Variants in EMG1 observed in about 807,000 individuals in gnomAD.
EMG1 encodes the protein ribosomal RNA small subunit methyltransferase NEP1.
A neutral mutation model predicts 26.9 loss-of-function variants in EMG1; 24 were observed. The observed-to-expected ratio is 0.89, with a 90% CI of 0.65 to 1.26. The LOEUF is 1.26. Among genes scored for constraint, EMG1 ranks in the 50% most tolerant of loss-of-function variants. The pLI is 0.00. For missense variants in EMG1, 299 were observed against 307.6 expected (o/e 0.97, Z 0.21); for synonymous variants, 140 against 112.6 (o/e 1.24, Z -1.54).
At chr12:6,989,109 C>CG (rs1555155150), downstream of EMG1, among the ~76,000 whole-genome samples, 1 of 149,934 alleles carries the variant, frequency 6.7e-6, no homozygotes, top group African/African-American at 2.5e-5. Flanking sequence ...GCAACAAGAG[C>CG]GAAACTCCAT....
At chr12:6,982,429 C>T (rs1946479510), downstream of EMG1, among the ~76,000 whole-genome samples, 1 of 152,134 alleles carries the variant, frequency 6.6e-6, no homozygotes, top group Non-Finnish European at 1.5e-5. Flanking sequence ...ACCAAAGAGC[C>T]TAATGGCACA....
rs1555154902 is a variant in EMG1, at chr12:6,987,061, T to G, written c.*155-721T>G. ...CCAGGAGGCGGAGGTGGCAGTGAGC[T>G]GAGATCACGCCATTGCACTCCAGCT... On this transcript the variant is annotated intron_variant and NMD_transcript_variant, in intron 6 of 7. Transcript: ENST00000261406. The surrounding 1 kb of genome is among the most constrained non-coding windows in gnomAD (Gnocchi z 4.1). Among the ~76,000 whole-genome samples, 1 of 151,380 alleles carries G rather than the reference T, an allele frequency of 6.6e-6. No individual in the cohort carries two copies. Among genetic ancestry groups the G allele is most frequent in the Non-Finnish European group, 1.5e-5 (1 of 67,908 alleles).
chr12:6,981,243 T>C, downstream of EMG1: 1 of 1,390,496 alleles, frequency 7.2e-7, no homozygotes, highest in South Asian at 1.3e-5. Context: ...AAGAGCCACT[T>C]TGAGTGTTCC....
intron 1 of EMG1, among the ~76,000 whole-genome samples, chr12:6,972,892 G>A (rs2138318265): frequency 6.6e-6 from 1 of 151,988 alleles, no homozygotes; most frequent in Non-Finnish European, 1.5e-5. Context: ...GGGCAACAGA[G>A]TGCAGTGGTG....
Position 6,975,802 on chromosome 12 carries a change from T to C in EMG1, c.728T>C (p.Val243Ala). The C allele has an allele frequency of 1.3e-6, 2 of 1,594,808 alleles. No homozygotes were observed. The highest frequency in any genetic ancestry group is 1.7e-6 in the Non-Finnish European group (2 of 1,162,662). Residue 243 changes from valine to alanine, a missense_variant, in exon 6 of 6, where the codon GTC (valine) becomes GCC (alanine). Physicochemically the swap from Val to Ala is moderately conservative, Grantham distance 64 (BLOSUM62 0). Transcript: ENST00000599672. The part of the protein sequence containing the change: ...LTTAFEEVWG[V>A]I ...ACAGCCTTTGAGGAAGTATGGGGGGTCATTTGACAGTAGTAGAACCTGTTC... is the reference window on the plus strand; with the variant it reads ...ACAGCCTTTGAGGAAGTATGGGGGGCCATTTGACAGTAGTAGAACCTGTTC...
chr12:6,973,171 C>T (rs1946353100), intron 1 of EMG1, among the ~76,000 whole-genome samples: 1 of 151,788 alleles, frequency 6.6e-6, no homozygotes, highest in African/African-American at 2.4e-5. Context: ...TACCTTTGCT[C>T]ATGCCAGTCT....
At chr12:6,986,611 C>T (rs1035281162) in intron 6 of EMG1, among the ~76,000 whole-genome samples, 6 of 151,602 alleles carry the variant, frequency 4.0e-5, no homozygotes, top group Admixed American at 6.6e-5. Context: ...GGTGAAATTC[C>T]GTCTCTACTA....
At chr12:6,996,552 A>C (rs1555156044) in intron 7 of EMG1, among the ~76,000 whole-genome samples, 1 of 152,248 alleles carries the variant, frequency 6.6e-6, no homozygotes, top group Non-Finnish European at 1.5e-5. Context: ...CCTGGTACAC[A>C]AAATTTCTCA....
chr12:6,983,291 T>A, downstream of EMG1: 1 of 657,494 alleles, frequency 1.5e-6, no homozygotes, highest in South Asian at 1.9e-5. Context: ...TTAAGCTGTG[T>A]TCCTCTTCAT....
intron 7 of EMG1, among the ~76,000 whole-genome samples, chr12:6,994,892 T>G (rs76625682): frequency 1.8e-3 from 272 of 152,330 alleles, no homozygotes; most frequent in Middle Eastern, 6.8e-3. Context: ...GGATCCAGTC[T>G]TGGCCCTCCA....
chr12:6,982,762 G>A (rs781941746), downstream of EMG1: 2 of 1,613,534 alleles, frequency 1.2e-6, no homozygotes, highest in African/African-American at 2.7e-5. Context: ...ATACACAGCA[G>A]GGAGTGGTAG....
downstream of EMG1, chr12:6,981,718 T>TTG: frequency 3.5e-6 from 1 of 285,262 alleles, no homozygotes; most frequent in Non-Finnish European, 6.4e-6. Flanking sequence ...CAGAAGTGTA[T>TTG]GGCGGGGGGC....
At chr12:6,971,320 C>T (rs1280458621) in intron 1 of EMG1, among the ~76,000 whole-genome samples, 14 of 148,006 alleles carry the variant, frequency 9.5e-5, no homozygotes, top group Non-Finnish European at 1.6e-4. Context: ...GTCGCCCAGG[C>T]TGGAGTGCAG....
At chr12:6,981,514 T>A, downstream of EMG1, 1 of 1,388,656 alleles carries the variant, frequency 7.2e-7, no homozygotes, top group African/African-American at 1.4e-5. Context: ...GCTCTGGAAT[T>A]TGGGTTCAGT....
At position 6,975,800 on chromosome 12, in the gene EMG1, G is replaced by A. The variant is rs1946391525; in HGVS notation, c.726G>A (p.Gly242=). The part of the protein sequence containing the change: ...KLTTAFEEVW[G]VI ...CCACAGCCTTTGAGGAAGTATGGGG[G>A]GTCATTTGACAGTAGTAGAACCTGT... The change falls in exon 6 of 6, where the codon GGG becomes GGA. Residue 242 remains glycine, a synonymous_variant. Transcript: ENST00000599672. 3 of 1,601,456 alleles carry A rather than the reference G, an allele frequency of 1.9e-6. No homozygotes were observed. The East Asian group carries it at 6.7e-5, about 36-fold the overall frequency.
intron 6 of EMG1, among the ~76,000 whole-genome samples, chr12:6,985,118 G>A (rs782360642): frequency 3.4e-5 from 5 of 147,542 alleles, no homozygotes; most frequent in East Asian, 4.0e-4. Flanking sequence ...AAGGCTGGGC[G>A]CGGTGGCTCA....
At chr12:6,997,379 A>ATG (rs201579525) in exon 8 of EMG1, 18,249 of 113,876 alleles carry the variant, frequency 0.16, 1,441 homozygotes, top group East Asian at 0.3. Context: ...ACAGCAAATT[A>ATG]TGTGTGTGTG....
intron 1 of EMG1, among the ~76,000 whole-genome samples, 180 bp downstream of exon 1, chr12:6,971,271 TTTC>T (rs200831574): frequency 2.5e-4 from 36 of 145,258 alleles, no homozygotes; most frequent in Middle Eastern, 3.6e-3. Flanking sequence ...CTCATTTTTC[TTTC>T]TTTTTTTTTT....
In EMG1 at chr12:6,979,863, CT is replaced by C; in HGVS notation, c.*4056del. 1 of 377,068 alleles carries C rather than the reference CT, an allele frequency of 2.7e-6. No individual in the cohort carries two copies. Among genetic ancestry groups the C allele is most frequent in the Non-Finnish European group, 4.8e-6 (1 of 206,754 alleles). The allele number at this position is 377,068 out of a possible 1,614,324, so 23.4% of individuals were successfully genotyped here. ...TCAGGGATGCTACTGATCTCAAGGT[CT>C]TGCCAGGTCTCACAATCTCCATTGG... On this transcript the variant is annotated 3_prime_UTR_variant, in exon 6 of 6. Transcript: ENST00000599672.
Sources: allele counts gnomAD v4.1 joint callset (sites outside exome capture counted in the v4.1 genomes callset), GRCh38; gene constraint gnomAD v4.1.1; non-coding constraint Gnocchi (gnomAD v3.1); transcripts MANE v1.5; gene names NCBI Gene and HGNC (gene_info 2026-07-23, HGNC 2026-07-21).